Variants in STK39 observed in about 807,000 individuals in gnomAD.
STK39 encodes the protein STE20/SPS1-related proline-alanine-rich protein kinase.
Under a neutral mutation model 77.8 loss-of-function variants are expected in STK39, and 20 were observed. The observed-to-expected ratio is 0.26, with a 90% CI of 0.18 to 0.37. The LOEUF (loss-of-function observed/expected upper bound fraction) is 0.37. Among genes scored for constraint, STK39 ranks in the 10% least tolerant of loss-of-function variants. The pLI is 1.00. For synonymous variants in STK39, 246 were observed against 234.1 expected, an observed-to-expected ratio of 1.05 and a Z score of -0.47; for missense variants, 479 against 656.5, an observed-to-expected ratio of 0.73 and a Z score of 2.95.
chr2:168,139,845 TTACAC>T (rs947828663), intron 7 of STK39, among the ~76,000 whole-genome samples: 2 of 151,916 alleles, frequency 1.3e-5, no homozygotes, highest in Non-Finnish European at 2.9e-5. Flanking sequence ...GTTGCCAACA[TTACAC>T]TATAAGAGCA....
chr2:168,133,107 C>T (rs182481067), intron 8 of STK39, among the ~76,000 whole-genome samples: 1 of 152,248 alleles, frequency 6.6e-6, no homozygotes, highest in African/African-American at 2.4e-5. Context: ...CACCATCCCC[C>T]CACCAAAAAT....
At chr2:168,117,997 T>G (rs1363312880) in intron 10 of STK39, among the ~76,000 whole-genome samples, 2 of 152,128 alleles carry the variant, frequency 1.3e-5, no homozygotes, top group Non-Finnish European at 2.9e-5. Context: ...TTTCCGCAAC[T>G]CTAGCCAAAT....
chr2:168,186,210 G>A (rs1426363280), intron 1 of STK39, among the ~76,000 whole-genome samples: 1 of 152,142 alleles, frequency 6.6e-6, no homozygotes, highest in Non-Finnish European at 1.5e-5. Context: ...CAGCAAGAAG[G>A]TGCCTGTTTA....
chr2:168,104,878 C>T (rs1261858020), intron 10 of STK39, among the ~76,000 whole-genome samples: 2 of 152,044 alleles, frequency 1.3e-5, no homozygotes, highest in South Asian at 4.1e-4. Context: ...TAATTGCAAA[C>T]ATTTGGAAAC....
chr2:168,121,923 C>G (rs1028719174), intron 10 of STK39, among the ~76,000 whole-genome samples: 1 of 152,236 alleles, frequency 6.6e-6, no homozygotes, highest in Non-Finnish European at 1.5e-5. Context: ...ACAAAAGATA[C>G]AGATATAGCT....
chr2:168,235,939 G>T (rs1236562248), intron 1 of STK39, among the ~76,000 whole-genome samples: 6 of 152,000 alleles, frequency 3.9e-5, no homozygotes, highest in Non-Finnish European at 7.4e-5. Context: ...CTTTATAGCA[G>T]AATGATTTAT....
At chr2:168,025,850 C>T (rs984887023) in intron 14 of STK39, among the ~76,000 whole-genome samples, 1 of 152,232 alleles carries the variant, frequency 6.6e-6, no homozygotes, top group Non-Finnish European at 1.5e-5. Context: ...CCGGGGCCTT[C>T]CTATGGCAGT....
At chr2:168,140,430 G>A in intron 6 of STK39, 40 bp from the exon 7 acceptor site, 1 of 1,530,496 alleles carries the variant, frequency 6.5e-7, no homozygotes, top group Non-Finnish European at 9.1e-7. Context: ...TCATACAGCA[G>A]GCATGTTACA....
intron 10 of STK39, among the ~76,000 whole-genome samples, chr2:168,115,384 T>A (rs182725535): frequency 6.6e-6 from 1 of 152,214 alleles, no homozygotes; most frequent in Non-Finnish European, 1.5e-5. Flanking sequence ...CCTCCCACTT[T>A]AAACATATGT....
intron 14 of STK39, among the ~76,000 whole-genome samples, chr2:168,032,605 CA>C: frequency 6.6e-6 from 1 of 152,300 alleles, no homozygotes; most frequent in East Asian, 1.9e-4. Flanking sequence ...TCAGGCTGGA[CA>C]AAGACAAGTT....
At chr2:168,143,765 A>G (rs1241638837) in intron 5 of STK39, among the ~76,000 whole-genome samples, 1 of 152,014 alleles carries the variant, frequency 6.6e-6, no homozygotes, top group Non-Finnish European at 1.5e-5. Context: ...AAAAAGTCAA[A>G]ATCCTTCAGC....
At chr2:168,103,251 A>T (rs1686882729) in intron 10 of STK39, among the ~76,000 whole-genome samples, 1 of 152,142 alleles carries the variant, frequency 6.6e-6, no homozygotes, top group Admixed American at 6.5e-5. Context: ...TCTTATCCTT[A>T]TGTTCCTTTA....
chr2:168,086,449 C>A (rs1202361272), intron 10 of STK39, among the ~76,000 whole-genome samples: 2 of 152,162 alleles, frequency 1.3e-5, no homozygotes, highest in African/African-American at 4.8e-5. Context: ...TCAGTGATTC[C>A]CATTAACATT....
chr2:168,119,871 T>G (rs1687359720), intron 10 of STK39, among the ~76,000 whole-genome samples: 1 of 152,190 alleles, frequency 6.6e-6, no homozygotes, highest in South Asian at 2.1e-4. Context: ...AGGGTAATTT[T>G]CCCTCTTTAT....
At chr2:168,076,224 C>T (rs1434476730) in intron 10 of STK39, among the ~76,000 whole-genome samples, 2 of 152,090 alleles carry the variant, frequency 1.3e-5, no homozygotes, top group African/African-American at 2.4e-5. Context: ...GAGATGGAGG[C>T]CCAGAACGTG....
intron 10 of STK39, among the ~76,000 whole-genome samples, chr2:168,079,501 G>A (rs553717164): frequency 6.6e-5 from 10 of 152,294 alleles, no homozygotes; most frequent in East Asian, 1.9e-4. Context: ...AGTCAAGTGC[G>A]CATGATGCCT....
intron 16 of STK39, among the ~76,000 whole-genome samples, chr2:168,012,314 G>C (rs1349153): frequency 1.3e-5 from 2 of 151,574 alleles, no homozygotes; most frequent in East Asian, 1.9e-4. Flanking sequence ...TTGAGATTAC[G>C]GGCGTACACC....
intron 1 of STK39, among the ~76,000 whole-genome samples, chr2:168,192,492 G>A (rs145096931): frequency 6.6e-6 from 1 of 152,160 alleles, no homozygotes; most frequent in African/African-American, 2.4e-5. Flanking sequence ...CTTTCCAAAT[G>A]TTCGCTCTGT....
chr2:168,045,672 T>A (rs1044674518), intron 14 of STK39, among the ~76,000 whole-genome samples: 4 of 152,166 alleles, frequency 2.6e-5, no homozygotes, highest in African/African-American at 4.8e-5. Context: ...ACCCTAGCAC[T>A]GTTCCTAGGA....
Sources: gnomAD v4.1 joint callset for allele counts (sites outside exome capture counted in the v4.1 genomes callset) on GRCh38, gnomAD v4.1.1 for gene constraint, MANE v1.5 for transcripts, NCBI Gene and HGNC (gene_info 2026-07-23, HGNC 2026-07-21) for gene names.